Variants in TTC28 observed in about 807,000 individuals in gnomAD.
TTC28 encodes the protein tetratricopeptide repeat domain 28.
Under a neutral mutation model 198.0 loss-of-function variants are expected in TTC28, and 61 were observed. That is an observed-to-expected ratio of 0.31 (90% CI 0.25 to 0.38). The LOEUF (loss-of-function observed/expected upper bound fraction) is 0.38. Among genes scored for constraint, TTC28 ranks in the 10% least tolerant of loss-of-function variants. TTC28 has a pLI of 1.00. For missense variants in TTC28, 2,678 were observed against 3,164.0 expected, an observed-to-expected ratio of 0.85 and a Z score of 3.69; for synonymous variants, 1,171 against 1,297.8, an observed-to-expected ratio of 0.90 and a Z score of 2.10.
intron 1 of TTC28, among the ~76,000 whole-genome samples, chr22:28,637,240 G>A (rs777895315): frequency 1.3e-5 from 2 of 152,064 alleles, no homozygotes; most frequent in East Asian, 1.9e-4. Context: ...TCGATCTCCC[G>A]ACCCCAGGTG....
intron 2 of TTC28, among the ~76,000 whole-genome samples, chr22:28,360,006 G>A (rs1479520326): frequency 6.6e-6 from 1 of 151,238 alleles, no homozygotes; most frequent in African/African-American, 2.4e-5. Flanking sequence ...AGAAAATCAA[G>A]GCCCAGAAGT....
chr22:28,477,243 T>A (rs1369744970), intron 2 of TTC28, among the ~76,000 whole-genome samples: 1 of 152,238 alleles, frequency 6.6e-6, no homozygotes, highest in Non-Finnish European at 1.5e-5. Flanking sequence ...TTTTACTACA[T>A]GTAAACATAA....
At chr22:28,169,305 C>T (rs960288258) in intron 5 of TTC28, among the ~76,000 whole-genome samples, 3 of 152,114 alleles carry the variant, frequency 2.0e-5, no homozygotes, top group Non-Finnish European at 4.4e-5. Flanking sequence ...CCATTTGACC[C>T]AGCCATCCGA....
chr22:28,040,203 T>C (rs1444946428), intron 12 of TTC28, among the ~76,000 whole-genome samples: 3 of 152,032 alleles, frequency 2.0e-5, no homozygotes, highest in South Asian at 2.1e-4. Flanking sequence ...TTCCAATCAA[T>C]AGAAAAAGAG....
intron 2 of TTC28, among the ~76,000 whole-genome samples, chr22:28,382,161 TA>T (rs1400192487): frequency 1.3e-5 from 2 of 152,176 alleles, no homozygotes; most frequent in Admixed American, 6.5e-5. Flanking sequence ...TGACTGTTGG[TA>T]AGATCCAAGC....
chr22:28,332,525 A>C (rs2045633207), intron 2 of TTC28, among the ~76,000 whole-genome samples: 1 of 152,090 alleles, frequency 6.6e-6, no homozygotes, highest in Admixed American at 6.6e-5. Flanking sequence ...GGCAAATGTT[A>C]AACTACCAAA....
At chr22:28,508,921 G>A (rs1325758171) in intron 2 of TTC28, among the ~76,000 whole-genome samples, 2 of 152,222 alleles carry the variant, frequency 1.3e-5, no homozygotes, top group African/African-American at 4.8e-5. Context: ...GCCAGGCACC[G>A]TGGCTCATGC....
rs570286414 is a variant in TTC28 at position 27,981,071 on chromosome 22, C to G, written c.*1150G>C. 6.6e-6 allele frequency: 1 copy of G among 152,406 alleles called. No homozygotes were observed. The highest frequency in any genetic ancestry group is 1.5e-5 in the Non-Finnish European group (1 of 68,358). The allele number at this position is 152,406 out of a possible 1,614,324, so 9.4% of individuals were successfully genotyped here. On this transcript the variant is annotated 3_prime_UTR_variant, in exon 23 of 23. Coordinates refer to ENST00000397906, the MANE Select transcript of TTC28 (RefSeq NM_001145418.2). ...AAGGTGAGGGCCTGGGGGCAGCTCACAGAGGCAGGTGCTGGGATTGTGGGG... is the reference window on the plus strand; with the variant it reads ...AAGGTGAGGGCCTGGGGGCAGCTCAGAGAGGCAGGTGCTGGGATTGTGGGG...
At chr22:28,661,542 C>A (rs1461175253) in intron 1 of TTC28, among the ~76,000 whole-genome samples, 2 of 152,066 alleles carry the variant, frequency 1.3e-5, no homozygotes, top group African/African-American at 4.8e-5. Context: ...GCCTCAGCCT[C>A]CTGAGTAGCT....
At chr22:28,236,007 T>C (rs2147241090) in intron 5 of TTC28, among the ~76,000 whole-genome samples, 1 of 152,290 alleles carries the variant, frequency 6.6e-6, no homozygotes, top group East Asian at 1.9e-4. Context: ...GCCTGGTAAG[T>C]TCCAGTTTTT....
chr22:28,637,987 T>C (rs1331168522), intron 1 of TTC28, among the ~76,000 whole-genome samples: 1 of 152,116 alleles, frequency 6.6e-6, no homozygotes, highest in Admixed American at 6.5e-5. Context: ...TATAAAAAGG[T>C]GAATTCATTA....
At chr22:28,036,677 A>G (rs1350705938) in intron 12 of TTC28, among the ~76,000 whole-genome samples, 1 of 152,224 alleles carries the variant, frequency 6.6e-6, no homozygotes, top group Admixed American at 6.5e-5. Flanking sequence ...TCAGAGCAGA[A>G]CTGAAGGAGA....
At chr22:28,318,819 T>C (rs1298020908) in intron 2 of TTC28, among the ~76,000 whole-genome samples, 1 of 136,574 alleles carries the variant, frequency 7.3e-6, no homozygotes, top group East Asian at 2.1e-4. Flanking sequence ...ATTCTTTTTT[T>C]TTTTTTTTTT....
intron 5 of TTC28, among the ~76,000 whole-genome samples, chr22:28,205,207 A>AACAC (rs140266117): frequency 6.6e-6 from 1 of 151,414 alleles, no homozygotes; most frequent in Admixed American, 6.6e-5. Context: ...GTTTTAACGC[A>AACAC]ACACACACAC....
intron 2 of TTC28, among the ~76,000 whole-genome samples, chr22:28,319,745 A>G (rs954804877): frequency 3.3e-5 from 5 of 152,236 alleles, no homozygotes; most frequent in African/African-American, 1.2e-4. Context: ...TCTTTCTGGT[A>G]TAATGCTAGA....
At chr22:28,413,311 G>A (rs1404196346) in intron 2 of TTC28, among the ~76,000 whole-genome samples, 1 of 152,002 alleles carries the variant, frequency 6.6e-6, no homozygotes, top group African/African-American at 2.4e-5. Context: ...GGTGGCAGGC[G>A]CCTGTAGTCC....
intron 2 of TTC28, among the ~76,000 whole-genome samples, chr22:28,406,849 G>A (rs971444823): frequency 6.6e-6 from 1 of 152,012 alleles, no homozygotes; most frequent in East Asian, 1.9e-4. Flanking sequence ...AAATGATTTT[G>A]TTTTCAGTTT....
chr22:28,464,038 T>C (rs956932808), intron 2 of TTC28, among the ~76,000 whole-genome samples: 1 of 152,186 alleles, frequency 6.6e-6, no homozygotes, highest in Admixed American at 6.5e-5. Flanking sequence ...TTTGGATACC[T>C]GCCAATGTCA....
chr22:28,392,182 G>A (rs1231981739), intron 2 of TTC28, among the ~76,000 whole-genome samples: 1 of 152,224 alleles, frequency 6.6e-6, no homozygotes, highest in Non-Finnish European at 1.5e-5. Flanking sequence ...ACCCACTTGA[G>A]GAGGCAGTCT....
Sources: gnomAD v4.1 joint callset for allele counts (sites outside exome capture counted in the v4.1 genomes callset) on GRCh38, gnomAD v4.1.1 for gene constraint, MANE v1.5 for transcripts, NCBI Gene and HGNC (gene_info 2026-07-23, HGNC 2026-07-21) for gene names.